WWC2: variants seen among roughly 807,000 people sequenced by gnomAD.
WWC2 encodes protein WWC2.
In WWC2, 101 loss-of-function variants were observed where a neutral mutation model predicts 138.5. The observed-to-expected ratio is 0.73, with a 90% CI of 0.62 to 0.86. WWC2 has a LOEUF of 0.86. WWC2 is among the 40% of genes least tolerant of loss of function. The pLI is 0.00. For synonymous variants in WWC2, 558 were observed against 538.4 expected, an observed-to-expected ratio of 1.04 and a Z score of -0.50; for missense variants, 1,420 against 1,419.4, an observed-to-expected ratio of 1.00 and a Z score of -0.01.
At chr4:183,171,040 A>G (rs1734263751) in intron 1 of WWC2, among the ~76,000 whole-genome samples, 1 of 152,220 alleles carries the variant, frequency 6.6e-6, no homozygotes, top group Non-Finnish European at 1.5e-5. Flanking sequence ...AGTGACATCC[A>G]TTATTTCAGA....
At chr4:183,224,815 C>T (rs1338275723) in intron 4 of WWC2, among the ~76,000 whole-genome samples, 3 of 152,300 alleles carry the variant, frequency 2.0e-5, no homozygotes, top group African/African-American at 7.2e-5. Context: ...CCTGCCTCAG[C>T]CTCTCAAAGT....
chr4:183,110,522 C>A (rs1412494592), intron 1 of WWC2, among the ~76,000 whole-genome samples: 1 of 149,724 alleles, frequency 6.7e-6, no homozygotes, highest in East Asian at 2.0e-4. Context: ...CAAAATGGAG[C>A]CAGCTCAGAA....
intron 1 of WWC2, among the ~76,000 whole-genome samples, chr4:183,178,718 C>T (rs1734536895): frequency 6.6e-6 from 1 of 152,172 alleles, no homozygotes; most frequent in African/African-American, 2.4e-5. Flanking sequence ...GAGCTTGCTG[C>T]ATGGAAGCTC....
At chr4:183,263,651 G>A (rs1737405614) in intron 11 of WWC2, among the ~76,000 whole-genome samples, 1 of 152,206 alleles carries the variant, frequency 6.6e-6, no homozygotes, top group African/African-American at 2.4e-5. Context: ...GGGCATGGTG[G>A]TAGACATCTG....
Position 183,295,121 on chromosome 4 carries a change from A to C in WWC2, c.3384+5486A>C, listed in dbSNP as rs149348372. Reference sequence around the variant, plus strand: ...GGAGTTTCTTGGGAAACTTGAGCAGACATATTTTCTGTAAAAACACACACA... The same window carrying C: ...GGAGTTTCTTGGGAAACTTGAGCAGCCATATTTTCTGTAAAAACACACACA... On this transcript the variant is annotated intron_variant, in intron 21 of 22. Transcript: ENST00000403733. Among the ~76,000 whole-genome samples, 17 of 152,280 alleles carry C rather than the reference A, an allele frequency of 1.1e-4. 1 individual carries two copies. In the East Asian group the frequency reaches 3.3e-3, roughly 29 times the overall value.
chr4:183,176,839 A>C (rs1734483999), intron 1 of WWC2, among the ~76,000 whole-genome samples: 1 of 152,168 alleles, frequency 6.6e-6, no homozygotes, highest in African/African-American at 2.4e-5. Context: ...AGCTGCAGCC[A>C]AGCAACACCG....
intron 21 of WWC2, among the ~76,000 whole-genome samples, chr4:183,291,114 A>C (rs1353622209): frequency 6.6e-6 from 1 of 152,240 alleles, no homozygotes; most frequent in East Asian, 1.9e-4. Flanking sequence ...CAGTGAATAC[A>C]GGATAATTAG....
intron 2 of WWC2, among the ~76,000 whole-genome samples, chr4:183,204,802 C>T (rs1325275354): frequency 1.3e-5 from 2 of 152,172 alleles, no homozygotes; most frequent in African/African-American, 4.8e-5. Flanking sequence ...CCCAGGCAAT[C>T]ACTTTCTGTC....
chr4:183,195,959 G>C (rs993556757), intron 2 of WWC2, among the ~76,000 whole-genome samples: 32 of 152,172 alleles, frequency 2.1e-4, no homozygotes, highest in African/African-American at 7.2e-4. Context: ...GATCGTGGGA[G>C]TGGATTTCTC....
chr4:183,138,631 C>G (rs768680962), intron 1 of WWC2, among the ~76,000 whole-genome samples: 1 of 152,068 alleles, frequency 6.6e-6, no homozygotes, highest in South Asian at 2.1e-4. Flanking sequence ...TTTGCTGACT[C>G]CTGCGCAAAG....
intron 1 of WWC2, among the ~76,000 whole-genome samples, chr4:183,174,915 A>T (rs1163035879): frequency 6.6e-6 from 1 of 152,016 alleles, no homozygotes; most frequent in Non-Finnish European, 1.5e-5. Context: ...TTTTGCTGTA[A>T]CATTTGAAGG....
intron 1 of WWC2, among the ~76,000 whole-genome samples, chr4:183,120,537 G>A (rs939628933): frequency 6.6e-6 from 1 of 152,220 alleles, no homozygotes; most frequent in Middle Eastern, 3.4e-3. Context: ...ATGATTATGT[G>A]TATACTGCAC....
chr4:183,300,894 G>A (rs1643163672), intron 21 of WWC2, among the ~76,000 whole-genome samples: 3 of 152,080 alleles, frequency 2.0e-5, no homozygotes, highest in South Asian at 4.2e-4. Flanking sequence ...GATCCTCTGC[G>A]TTCTATTCCT....
At chr4:183,166,275 GC>G (rs1254966500) in intron 1 of WWC2, among the ~76,000 whole-genome samples, 1 of 152,024 alleles carries the variant, frequency 6.6e-6, no homozygotes, top group Non-Finnish European at 1.5e-5. Flanking sequence ...GTATTTGTCT[GC>G]TGTAGCCCGT....
At chr4:183,281,890 A>G (rs1359270422) in intron 17 of WWC2, among the ~76,000 whole-genome samples, 1 of 152,190 alleles carries the variant, frequency 6.6e-6, no homozygotes, top group Non-Finnish European at 1.5e-5. Context: ...ATATTTCCAA[A>G]CAGTACTCTT....
Position 183,217,587 on chromosome 4 carries a change from T to TA in WWC2, c.522+8570dup, listed in dbSNP as rs138720671. Among the ~76,000 whole-genome samples the TA allele has an allele frequency of 4.6e-5, 7 of 151,236 alleles. 1 individual carries two copies. Among genetic ancestry groups the TA allele is most frequent in the South Asian group, 4.2e-4 (2 of 4,764 alleles). ...GTGAAAATGGGGAGAAAAAATATAT[T>TA]AAAAAAAACAAAATGGAACTTCTAC... On this transcript the variant is annotated intron_variant, in intron 4 of 22. Transcript: ENST00000403733.
At chr4:183,124,979 G>C (rs1181542373) in intron 1 of WWC2, among the ~76,000 whole-genome samples, 1 of 152,316 alleles carries the variant, frequency 6.6e-6, no homozygotes, top group East Asian at 1.9e-4. Context: ...TGTAGCCAAA[G>C]AAATAGTCCC....
Position 183,315,913 on chromosome 4 carries a change from T to C in WWC2, c.*184T>C, listed in dbSNP as rs1234633664. ...ATTTGTAAAGTACCTTGAGTGTAAT[T>C]TTTATATGCTTAAAAAAGAAAAAAT... On this transcript the variant is annotated 3_prime_UTR_variant, in exon 23 of 23. Transcript: ENST00000403733. The C allele has an allele frequency of 1.9e-6, 1 of 522,072 alleles. No homozygotes were observed. Among genetic ancestry groups the C allele is most frequent in the Non-Finnish European group, 3.4e-6 (1 of 294,134 alleles). 32.3% of individuals were successfully genotyped at this position (522,072 alleles called of 1,614,324 possible). A position where few individuals can be genotyped will look rare whatever the true frequency, so the allele number is the denominator to read the frequency against.
intron 3 of WWC2, 110 bp from the exon 4 acceptor site, chr4:183,208,839 C>A: frequency 3.0e-6 from 2 of 674,952 alleles, no homozygotes; most frequent in South Asian, 2.1e-5. Context: ...AATTAGAAAG[C>A]AAGTATTCAC....
Sources: gnomAD v4.1 joint callset for allele counts (sites outside exome capture counted in the v4.1 genomes callset) on GRCh38, gnomAD v4.1.1 for gene constraint, MANE v1.5 for transcripts, NCBI Gene and HGNC (gene_info 2026-07-23, HGNC 2026-07-21) for gene names.